Variants in EPM2A observed in about 807,000 individuals in gnomAD.
The protein encoded by EPM2A is laforin.
Under a neutral mutation model 26.5 loss-of-function variants are expected in EPM2A, and 21 were observed. That is an observed-to-expected ratio of 0.79 (90% confidence interval 0.56 to 1.14). The LOEUF (loss-of-function observed/expected upper bound fraction) is 1.14. EPM2A is among the 50% of genes most tolerant of loss of function. EPM2A has a pLI of 0.00. For synonymous variants in EPM2A, 217 were observed against 177.6 expected, an observed-to-expected ratio of 1.22 and a Z score of -1.76; for missense variants, 458 against 440.8, an observed-to-expected ratio of 1.04 and a Z score of -0.35.
At chr6:145,638,061 T>G (rs1364483124) in intron 2 of EPM2A, 1 of 152,180 alleles carries the variant, frequency 6.6e-6, no homozygotes, top group Non-Finnish European at 1.5e-5. Context: ...TTGTTTGTTT[T>G]TTTCAACTGG....
At chr6:145,436,282 A>G (rs890282925) in intron 4 of EPM2A, among the ~76,000 whole-genome samples, 3 of 152,198 alleles carry the variant, frequency 2.0e-5, no homozygotes, top group Admixed American at 1.3e-4. Flanking sequence ...CTTCTTCACT[A>G]TTATAATGTT....
chr6:145,550,795 A>G (rs1362193282), intron 2 of EPM2A, among the ~76,000 whole-genome samples: 1 of 152,064 alleles, frequency 6.6e-6, no homozygotes, highest in Non-Finnish European at 1.5e-5. Context: ...AACATTTTTT[A>G]TCTATTTTAT....
chr6:145,597,162 G>C (rs2128549240), intron 2 of EPM2A, among the ~76,000 whole-genome samples: 2 of 151,772 alleles, frequency 1.3e-5, no homozygotes, highest in African/African-American at 4.8e-5. Context: ...CCAAAGTGCT[G>C]GGATTACAGG....
At chr6:145,419,216 C>T (rs1040653269) in intron 4 of EPM2A, among the ~76,000 whole-genome samples, 2 of 143,112 alleles carry the variant, frequency 1.4e-5, no homozygotes, top group Admixed American at 7.0e-5. Context: ...CAGCGCATGG[C>T]CTCACCATTG....
intron 4 of EPM2A, among the ~76,000 whole-genome samples, chr6:145,409,485 T>C (rs983046109): frequency 1.1e-4 from 16 of 152,198 alleles, no homozygotes; most frequent in African/African-American, 3.6e-4. Context: ...TGTTTAATAA[T>C]ATATAAATTA....
At chr6:145,650,780 A>G (rs1269310518) in intron 2 of EPM2A, among the ~76,000 whole-genome samples, 1 of 152,166 alleles carries the variant, frequency 6.6e-6, no homozygotes, top group African/African-American at 2.4e-5. Flanking sequence ...ACTGTGCCTC[A>G]ACTAAAGTTA....
intron 4 of EPM2A, among the ~76,000 whole-genome samples, chr6:145,400,334 A>C (rs1165318490): frequency 6.6e-6 from 1 of 152,182 alleles, no homozygotes; most frequent in African/African-American, 2.4e-5. Flanking sequence ...AACCTTAAAA[A>C]CTGATGACAC....
chr6:145,474,684 C>T (rs1300347887), intron 4 of EPM2A, among the ~76,000 whole-genome samples: 1 of 152,106 alleles, frequency 6.6e-6, no homozygotes, highest in East Asian at 1.9e-4. Context: ...GAACAGGCAA[C>T]CTACAGAATG....
Position 145,635,323 on chromosome 6 carries a change from G to A in EPM2A, c.640C>T (p.Pro214Ser). The change falls in exon 3 of 4, where the codon CCA (proline) becomes TCA (serine). Residue 214 changes from proline (P) to serine (S), a missense_variant. Pro to Ser is a moderately conservative substitution (Grantham distance 74, BLOSUM62 -1). Coordinates refer to ENST00000367519, the MANE Select transcript of EPM2A (RefSeq NM_005670.4). ...CTATATAGTTTAATCATAGTGTCTG[G>A]AGTCATGGGCTCTGGGTAGCGGTTA... ...GCNRYPEPMT[P>S]DTMIKLYREE... is the part of the protein sequence containing the mutation. The A allele has an allele frequency of 6.2e-7, 1 of 1,614,100 alleles. No homozygotes were observed. The highest frequency in any genetic ancestry group is 8.5e-7 in the Non-Finnish European group (1 of 1,179,968).
At chr6:145,434,102 T>C (rs1388242705) in intron 4 of EPM2A, among the ~76,000 whole-genome samples, 1 of 152,134 alleles carries the variant, frequency 6.6e-6, no homozygotes, top group Non-Finnish European at 1.5e-5. Context: ...GACAGTTTTT[T>C]TCCTTTGGAC....
chr6:145,517,679 C>T (rs1489272926), intron 2 of EPM2A, among the ~76,000 whole-genome samples: 4 of 152,128 alleles, frequency 2.6e-5, no homozygotes, highest in African/African-American at 9.7e-5. Context: ...ATGCTCAGTT[C>T]AGCAGTGTCT....
At chr6:145,642,554 T>C (rs1206813447) in intron 2 of EPM2A, among the ~76,000 whole-genome samples, 1 of 152,206 alleles carries the variant, frequency 6.6e-6, no homozygotes, top group Middle Eastern at 3.2e-3. Context: ...AACAAACAAA[T>C]ACATTTACCA....
At chr6:145,663,118 T>C (rs1174935647) in intron 2 of EPM2A, among the ~76,000 whole-genome samples, 2 of 152,154 alleles carry the variant, frequency 1.3e-5, no homozygotes, top group East Asian at 3.8e-4. Context: ...CTCTGCACTG[T>C]AAAATCCTCT....
At chr6:145,691,357 GAAC>G (rs1781269983) in intron 1 of EPM2A, among the ~76,000 whole-genome samples, 1 of 151,970 alleles carries the variant, frequency 6.6e-6, no homozygotes. Flanking sequence ...CTGTAAAAAA[GAAC>G]AACTGTCAAC....
At chr6:145,526,149 G>A (rs1022284833) in intron 2 of EPM2A, among the ~76,000 whole-genome samples, 7 of 152,056 alleles carry the variant, frequency 4.6e-5, no homozygotes, top group African/African-American at 1.4e-4. Context: ...AAGCCTACTT[G>A]ATCATATTGA....
chr6:145,519,503 T>TA (rs1780175644), intron 2 of EPM2A, among the ~76,000 whole-genome samples: 1 of 152,160 alleles, frequency 6.6e-6, no homozygotes, highest in Non-Finnish European at 1.5e-5. Context: ...CAATTTTCAG[T>TA]AAAAATCACT....
intron 2 of EPM2A, among the ~76,000 whole-genome samples, chr6:145,505,648 CAA>C (rs1779962232): frequency 6.6e-6 from 1 of 151,934 alleles, no homozygotes; most frequent in South Asian, 2.1e-4. Flanking sequence ...TTTTTAAGAG[CAA>C]AGTCTTAGTT....
intron 2 of EPM2A, among the ~76,000 whole-genome samples, chr6:145,564,529 G>C (rs1380367703): frequency 1.3e-5 from 2 of 152,198 alleles, no homozygotes; most frequent in Non-Finnish European, 2.9e-5. Flanking sequence ...TTTGGCCACT[G>C]TATGATCAGT....
intron 2 of EPM2A, among the ~76,000 whole-genome samples, chr6:145,609,923 A>G (rs1775354853): frequency 6.6e-6 from 1 of 152,206 alleles, no homozygotes; most frequent in Admixed American, 6.5e-5. Context: ...AATCCTTTTA[A>G]AAACATTTTT....
Sources: allele counts gnomAD v4.1 joint callset (sites outside exome capture counted in the v4.1 genomes callset), GRCh38; gene constraint gnomAD v4.1.1; transcripts MANE v1.5; gene names NCBI Gene and HGNC (gene_info 2026-07-23, HGNC 2026-07-21).